NRXN1: variants seen among roughly 807,000 people sequenced by gnomAD.
The protein encoded by NRXN1 is neurexin 1.
In NRXN1, 39 loss-of-function variants were observed where a neutral mutation model predicts 150.9. The ratio of observed to expected loss-of-function variants is 0.26; its 90% CI spans 0.20 to 0.34. The LOEUF (loss-of-function observed/expected upper bound fraction) is 0.34. Among genes scored for constraint, NRXN1 ranks in the 10% least tolerant of loss-of-function variants. The pLI is 1.00. For synonymous variants in NRXN1, 924 were observed against 757.0 expected, an observed-to-expected ratio of 1.22 and a Z score of -3.62; for missense variants, 1,815 against 1,949.9, an observed-to-expected ratio of 0.93 and a Z score of 1.30.
chr2:50,112,635 GT>G (rs1702529513), intron 18 of NRXN1, among the ~76,000 whole-genome samples: 1 of 152,172 alleles, frequency 6.6e-6, no homozygotes, highest in African/African-American at 2.4e-5. Context: ...TGCAAGGGCT[GT>G]TTCATGGCTT....
intron 15 of NRXN1, among the ~76,000 whole-genome samples, chr2:50,486,498 A>C (rs750794477): frequency 6.0e-4 from 91 of 152,300 alleles, no homozygotes; most frequent in Non-Finnish European, 1.1e-3. Context: ...GGAACTACAC[A>C]TGTTAAATTT....
chr2:50,275,639 G>T (rs926778593), intron 17 of NRXN1, among the ~76,000 whole-genome samples: 2 of 152,012 alleles, frequency 1.3e-5, no homozygotes, highest in Non-Finnish European at 2.9e-5. Context: ...AACACTTTAT[G>T]ATGTCAATTA....
At chr2:50,692,245 C>G (rs1057166499) in intron 5 of NRXN1, among the ~76,000 whole-genome samples, 1 of 152,004 alleles carries the variant, frequency 6.6e-6, no homozygotes, top group Non-Finnish European at 1.5e-5. Context: ...GAATAAAATG[C>G]CTTTGAATAT....
chr2:51,015,680 T>C (rs1668558972), intron 2 of NRXN1, among the ~76,000 whole-genome samples: 1 of 152,064 alleles, frequency 6.6e-6, no homozygotes, highest in African/African-American at 2.4e-5. Context: ...TTAAATATCA[T>C]TTGAAGTCAA....
At chr2:50,013,238 C>T (rs546833979) in intron 21 of NRXN1, among the ~76,000 whole-genome samples, 11 of 142,166 alleles carry the variant, frequency 7.7e-5, no homozygotes, top group East Asian at 2.1e-4. Context: ...AAGGGGTTTT[C>T]GTTTTGTGTT....
chr2:49,957,401 T>C (rs767488121), intron 21 of NRXN1, among the ~76,000 whole-genome samples: 2 of 152,154 alleles, frequency 1.3e-5, no homozygotes, highest in African/African-American at 4.8e-5. Context: ...ATGGCTCTTG[T>C]AGACATTTTC....
At chr2:50,696,490 C>T (rs758907255) in intron 5 of NRXN1, among the ~76,000 whole-genome samples, 3 of 152,052 alleles carry the variant, frequency 2.0e-5, no homozygotes, top group East Asian at 1.9e-4. Context: ...TAAAGAAGGT[C>T]GTGATAAGGT....
At chr2:49,997,168 T>C (rs1021749739) in intron 21 of NRXN1, among the ~76,000 whole-genome samples, 1 of 152,062 alleles carries the variant, frequency 6.6e-6, no homozygotes, top group Non-Finnish European at 1.5e-5. Context: ...GGGTGGACAG[T>C]TGGAGATGGA....
At chr2:50,457,789 C>G (rs1364699717) in intron 17 of NRXN1, among the ~76,000 whole-genome samples, 1 of 152,008 alleles carries the variant, frequency 6.6e-6, no homozygotes, top group East Asian at 1.9e-4. Flanking sequence ...GAGATAGCAT[C>G]TCACTCCAGT....
At chr2:50,746,135 G>C (rs1699996456) in intron 5 of NRXN1, among the ~76,000 whole-genome samples, 1 of 152,058 alleles carries the variant, frequency 6.6e-6, no homozygotes, top group Non-Finnish European at 1.5e-5. Context: ...TAGAAAAATT[G>C]TTATGCATGG....
chr2:50,994,346 T>C (rs1175634790), intron 2 of NRXN1, among the ~76,000 whole-genome samples: 3 of 152,150 alleles, frequency 2.0e-5, no homozygotes, highest in Admixed American at 6.5e-5. Context: ...AATACACTTA[T>C]TAAAAGAAAA....
At chr2:50,585,047 A>C (rs1031476070) in intron 8 of NRXN1, among the ~76,000 whole-genome samples, 5 of 152,166 alleles carry the variant, frequency 3.3e-5, no homozygotes, top group Non-Finnish European at 5.9e-5. Context: ...CCCTAAGAAT[A>C]AATTTACATA....
chr2:49,965,408 A>T (rs752565021), intron 21 of NRXN1, among the ~76,000 whole-genome samples: 3 of 151,908 alleles, frequency 2.0e-5, no homozygotes, highest in Non-Finnish European at 4.4e-5. Flanking sequence ...CTGGGTTTAC[A>T]GGTGCCCACC....
chr2:49,962,845 C>T (rs997216828), intron 21 of NRXN1, among the ~76,000 whole-genome samples: 1 of 151,944 alleles, frequency 6.6e-6, no homozygotes, highest in African/African-American at 2.4e-5. Context: ...CCCAGCTACT[C>T]AGGAGCGTCA....
chr2:50,781,372 GA>G (rs1180416924), intron 5 of NRXN1, among the ~76,000 whole-genome samples: 1,875 of 141,106 alleles, frequency 0.013, 27 homozygotes, highest in African/African-American at 0.043. Flanking sequence ...AAAGTCTGGG[GA>G]AAAAAAAAAA....
intron 18 of NRXN1, among the ~76,000 whole-genome samples, chr2:50,192,618 G>T (rs1391111229): frequency 6.6e-6 from 1 of 151,228 alleles, no homozygotes; most frequent in Non-Finnish European, 1.5e-5. Context: ...TTTGGGGGGG[G>T]CGGTGGGGGA....
At chr2:50,527,463 G>A (rs1392263370) in intron 12 of NRXN1, among the ~76,000 whole-genome samples, 1 of 152,062 alleles carries the variant, frequency 6.6e-6, no homozygotes, top group African/African-American at 2.4e-5. Context: ...CTTTTTAAAT[G>A]CCTGGGATAT....
intron 17 of NRXN1, among the ~76,000 whole-genome samples, chr2:50,459,995 A>T (rs963620203): frequency 1.3e-5 from 2 of 152,096 alleles, no homozygotes; most frequent in Non-Finnish European, 2.9e-5. Context: ...ATGGAAAAAA[A>T]ACATTCAGAT....
intron 12 of NRXN1, among the ~76,000 whole-genome samples, chr2:50,521,661 C>A (rs2092792542): frequency 6.6e-6 from 1 of 152,158 alleles, no homozygotes; most frequent in Non-Finnish European, 1.5e-5. Context: ...AGCCAGTAAT[C>A]TGTTGAACAG....
Sources: allele counts gnomAD v4.1 joint callset (sites outside exome capture counted in the v4.1 genomes callset), GRCh38; gene constraint gnomAD v4.1.1; transcripts MANE v1.5; gene names NCBI Gene and HGNC (gene_info 2026-07-23, HGNC 2026-07-21).